Variants in RBFOX1 observed in about 807,000 individuals in gnomAD.
The protein encoded by RBFOX1 is RNA binding protein fox-1 homolog 1.
RBFOX1 carries 8 observed loss-of-function variants against 57.7 expected under a neutral mutation model. The ratio of observed to expected loss-of-function variants is 0.14; its 90% CI spans 0.08 to 0.25. The LOEUF (loss-of-function observed/expected upper bound fraction) is 0.25. RBFOX1 is among the 10% of genes least tolerant of loss of function. The pLI is 1.00. For missense variants in RBFOX1, 611 were observed against 548.5 expected (o/e 1.11, Z -1.14); for synonymous variants, 326 against 222.4 (o/e 1.47, Z -4.15).
At chr16:6,572,741 A>T (rs958888681) in intron 2 of RBFOX1, among the ~76,000 whole-genome samples, 4 of 152,030 alleles carry the variant, frequency 2.6e-5, no homozygotes, top group African/African-American at 4.8e-5. Flanking sequence ...TACAGGTGTG[A>T]GATATGCACC....
At chr16:7,278,852 C>G (rs1014635135) in intron 4 of RBFOX1, among the ~76,000 whole-genome samples, 1 of 152,182 alleles carries the variant, frequency 6.6e-6, no homozygotes, top group Non-Finnish European at 1.5e-5. Context: ...CCAAGGCTGT[C>G]TTGTTCTCAG....
At chr16:6,751,090 G>T (rs781611633) in intron 3 of RBFOX1, among the ~76,000 whole-genome samples, 2 of 152,308 alleles carry the variant, frequency 1.3e-5, no homozygotes, top group East Asian at 1.9e-4. Flanking sequence ...AGAGAAGTCA[G>T]TGGAGGGGTA....
intron 3 of RBFOX1, among the ~76,000 whole-genome samples, chr16:5,734,364 G>C (rs2052495536): frequency 6.6e-6 from 1 of 152,150 alleles, no homozygotes; most frequent in African/African-American, 2.4e-5. Context: ...GGGGTTCAAG[G>C]CTGCAGTTAG....
At chr16:6,675,370 T>C (rs924712721) in intron 3 of RBFOX1, among the ~76,000 whole-genome samples, 2 of 150,450 alleles carry the variant, frequency 1.3e-5, no homozygotes, top group African/African-American at 2.4e-5. Context: ...CAATTTCTCA[T>C]TTTTTTTTTC....
chr16:7,307,355 A>T (rs192434136), intron 4 of RBFOX1, among the ~76,000 whole-genome samples: 1 of 152,216 alleles, frequency 6.6e-6, no homozygotes, highest in African/African-American at 2.4e-5. Flanking sequence ...AGATTTATCC[A>T]TAAGACAACT....
chr16:7,545,186 G>A (rs2084084269), intron 5 of RBFOX1, among the ~76,000 whole-genome samples: 1 of 152,220 alleles, frequency 6.6e-6, no homozygotes, highest in Non-Finnish European at 1.5e-5. Context: ...CGTGGACTGG[G>A]AGAACACGGT....
In RBFOX1 at chr16:7,458,181, C is replaced by T. The variant is rs1396728288; in HGVS notation, c.28-59966C>T. ...GCACCACACGTCTATACTGCCAGAGCCATATGCATTACAAAGACAGGGACC... is the reference window on the plus strand; with the variant it reads ...GCACCACACGTCTATACTGCCAGAGTCATATGCATTACAAAGACAGGGACC... On this transcript the variant is annotated intron_variant, in intron 4 of 15. Transcript: ENST00000550418. Among the ~76,000 whole-genome samples the T allele has an allele frequency of 5.3e-5, 8 of 152,292 alleles. No individual in the cohort carries two copies. In the East Asian group the frequency reaches 1.5e-3, roughly 29 times the overall value.
intron 3 of RBFOX1, among the ~76,000 whole-genome samples, chr16:7,032,660 A>G (rs1220594143): frequency 6.6e-6 from 1 of 152,056 alleles, no homozygotes; most frequent in Non-Finnish European, 1.5e-5. Context: ...ATGGAATTAA[A>G]GACGATAATC....
intron 3 of RBFOX1, among the ~76,000 whole-genome samples, chr16:6,797,106 G>A (rs534769435): frequency 2.0e-5 from 3 of 152,262 alleles, no homozygotes; most frequent in Admixed American, 6.5e-5. Flanking sequence ...CCTCCCACAG[G>A]TAGAAGGCTC....
intron 5 of RBFOX1, among the ~76,000 whole-genome samples, chr16:7,554,637 T>G (rs973039552): frequency 6.6e-6 from 1 of 152,184 alleles, no homozygotes; most frequent in African/African-American, 2.4e-5. Flanking sequence ...GTTGAGCACT[T>G]TGAGCCTCTA....
In RBFOX1 at chr16:6,968,026, G is replaced by A. The variant is rs551614194; in HGVS notation, c.-15-84031G>A. Reference sequence around the variant, plus strand: ...GTGCTGCCTCTGCTCTTGTAAGGAAGCCATGTGGGCTCACAGTGCTGGGAG... The same window carrying A: ...GTGCTGCCTCTGCTCTTGTAAGGAAACCATGTGGGCTCACAGTGCTGGGAG... On this transcript the variant is annotated intron_variant, in intron 3 of 15. Coordinates refer to ENST00000550418, the MANE Select transcript of RBFOX1 (RefSeq NM_018723.4). 5.9e-5 allele frequency among the ~76,000 whole-genome samples: 9 copies of A among 152,280 alleles called. No individual in the cohort carries two copies. In the Middle Eastern group the frequency reaches 0.01, roughly 173 times the overall value.
At position 5,796,949 on chromosome 16, in the gene RBFOX1, G is replaced by A. The variant is rs111670290; in HGVS notation, c.319-70354G>A. 1.8e-4 allele frequency among the ~76,000 whole-genome samples: 28 copies of A among 152,290 alleles called. 1 individual carries two copies. Among genetic ancestry groups the A allele is most frequent in the African/African-American group, 6.3e-4 (26 of 41,568 alleles). On this transcript the variant is annotated intron_variant, in intron 3 of 19. Transcript: ENST00000641259. ...TACTTTGTGCCAAGCACTGCAGAAGGTCTCTGGCCTTTTAGAGTTTATATT... is the reference window on the plus strand; with the variant it reads ...TACTTTGTGCCAAGCACTGCAGAAGATCTCTGGCCTTTTAGAGTTTATATT...
At chr16:6,766,238 C>G (rs975964119) in intron 3 of RBFOX1, among the ~76,000 whole-genome samples, 15 of 152,054 alleles carry the variant, frequency 9.9e-5, no homozygotes, top group Admixed American at 9.2e-4. Context: ...TTTCACTTTC[C>G]TCTCCTTGTC....
chr16:5,405,397 C>G (rs2066837406), intron 1 of RBFOX1, among the ~76,000 whole-genome samples: 1 of 152,198 alleles, frequency 6.6e-6, no homozygotes, highest in Non-Finnish European at 1.5e-5. Flanking sequence ...AAAAGGAGTT[C>G]CCCTGCACAA....
chr16:6,311,050 A>G (rs1327511756), intron 1 of RBFOX1, among the ~76,000 whole-genome samples: 4 of 152,134 alleles, frequency 2.6e-5, no homozygotes, highest in African/African-American at 9.7e-5. Context: ...TAATCCCAGC[A>G]CTTTGGGAGG....
intron 3 of RBFOX1, among the ~76,000 whole-genome samples, chr16:5,856,908 G>A (rs191243102): frequency 1.3e-3 from 194 of 152,050 alleles, no homozygotes; most frequent in African/African-American, 4.5e-3. Flanking sequence ...TATCATTCCT[G>A]TGTTCACTGG....
In RBFOX1 at chr16:5,811,209, C is replaced by G. The variant is rs150208698; in HGVS notation, c.319-56094C>G. On this transcript the variant is annotated intron_variant, in intron 3 of 19. Coordinates refer to the RBFOX1 transcript ENST00000641259. ...CCAGGCTGCAGTGCAATGGTGCGAT[C>G]TCGGCTCACTGCAACTTCCGCCTCC... Among the ~76,000 whole-genome samples, 538 of 127,698 alleles carry G rather than the reference C, an allele frequency of 4.2e-3. 1 individual carries two copies. Among genetic ancestry groups the G allele is most frequent in the Admixed American group, 7.6e-3 (77 of 10,188 alleles). 83.8% of individuals were successfully genotyped at this position (127,698 alleles called of 152,430 possible). A position where few individuals can be genotyped will look rare whatever the true frequency, so the allele number is the denominator to read the frequency against.
At chr16:6,615,269 C>G (rs1317103410) in intron 2 of RBFOX1, among the ~76,000 whole-genome samples, 1 of 152,172 alleles carries the variant, frequency 6.6e-6, no homozygotes, top group African/African-American at 2.4e-5. Flanking sequence ...TTCACTGGTG[C>G]TAATAATTCC....
At chr16:5,586,685 G>T (rs2046840033) in intron 2 of RBFOX1, among the ~76,000 whole-genome samples, 3 of 152,160 alleles carry the variant, frequency 2.0e-5, no homozygotes, top group African/African-American at 7.2e-5. Flanking sequence ...TGCCTGTAGA[G>T]AGGGGAACTT....
Sources: allele counts gnomAD v4.1 joint callset (sites outside exome capture counted in the v4.1 genomes callset), GRCh38; gene constraint gnomAD v4.1.1; transcripts MANE v1.5; gene names NCBI Gene and HGNC (gene_info 2026-07-23, HGNC 2026-07-21).